MEOX1: variants seen among roughly 807,000 people sequenced by gnomAD.
MEOX1 encodes the protein mesenchyme homeobox 1.
A neutral mutation model predicts 23.2 loss-of-function variants in MEOX1; 17 were observed. The observed-to-expected ratio is 0.73, with a 90% confidence interval of 0.50 to 1.10. MEOX1 has a LOEUF of 1.10. Ranked by LOEUF, MEOX1 falls within the 50% of genes least tolerant of loss-of-function variation. The pLI, the probability that MEOX1 is intolerant of heterozygous loss-of-function variation, is 0.00. For synonymous variants in MEOX1, 134 were observed against 135.1 expected, an observed-to-expected ratio of 0.99 and a Z score of 0.06; for missense variants, 333 against 332.2, an observed-to-expected ratio of 1.00 and a Z score of -0.02.
At chr17:43,649,660 A>G (rs1972879629) in intron 1 of MEOX1, among the ~76,000 whole-genome samples, 1 of 152,078 alleles carries the variant, frequency 6.6e-6, no homozygotes, top group South Asian at 2.1e-4. Flanking sequence ...CACAACAACT[A>G]GATGTGTCAC....
At chr17:43,645,184 T>C (rs1386500768) in intron 1 of MEOX1, among the ~76,000 whole-genome samples, 1 of 144,690 alleles carries the variant, frequency 6.9e-6, no homozygotes, top group Non-Finnish European at 1.5e-5. Flanking sequence ...TTTTTTTTTT[T>C]TTTTTTTTTT....
intron 1 of MEOX1, among the ~76,000 whole-genome samples, chr17:43,645,782 C>A (rs571778946): frequency 5.9e-5 from 9 of 152,310 alleles, no homozygotes; most frequent in Admixed American, 1.3e-4. Flanking sequence ...GAGCTTTGAG[C>A]CTAGCTGGTT....
In MEOX1 at chr17:43,641,233, A is replaced by G. The variant is rs1273516340; in HGVS notation, c.*677T>C. On this transcript the variant is annotated 3_prime_UTR_variant, in exon 3 of 3. Transcript: ENST00000318579. The stretch of plus-strand genomic sequence containing the variant: ...GACGGGCCTATATGGGGACACCGAA[A>G]CCTACATCGGGCTATTTTTCTGTCT... 1.3e-5 allele frequency: 2 copies of G among 152,100 alleles called. No homozygotes were observed. Among genetic ancestry groups the G allele is most frequent in the Non-Finnish European group, 2.9e-5 (2 of 68,038 alleles). 9.4% of individuals were successfully genotyped at this position (152,100 alleles called of 1,614,324 possible). A position where few individuals can be genotyped will look rare whatever the true frequency, so the allele number is the denominator to read the frequency against.
At chr17:43,650,364 T>G (rs1972891932) in intron 1 of MEOX1, among the ~76,000 whole-genome samples, 1 of 152,180 alleles carries the variant, frequency 6.6e-6, no homozygotes, top group Non-Finnish European at 1.5e-5. Flanking sequence ...GGAAGCTCTT[T>G]CCACCCTATT....
intron 1 of MEOX1, among the ~76,000 whole-genome samples, chr17:43,651,709 AG>A (rs1410974553): frequency 1.3e-5 from 2 of 152,184 alleles, no homozygotes; most frequent in Non-Finnish European, 1.5e-5. Context: ...TCAGGCAGAA[AG>A]GATTCTCTGC....
chr17:43,661,227 C>T lies in MEOX1; in HGVS notation c.308G>A (p.Arg103His), dbSNP rs140721400. 1.7e-4 allele frequency: 280 copies of T among 1,608,834 alleles called. No homozygotes were observed. The highest frequency in any genetic ancestry group is 2.3e-4 in the Non-Finnish European group (270 of 1,177,192). Reference protein sequence around the residue: ...NWHFPVSDARRRPNSGPAGGS... With the variant: ...NWHFPVSDARHRPNSGPAGGS... ...CCCTGCCGGGCCTGAGTTGGGCCTG[C>T]GCCGGGCGTCTGAGACAGGGAAGTG... The change falls in exon 1 of 3, where the codon CGC (arginine) becomes CAC (histidine). Residue 103 changes from arginine to histidine, a missense_variant. Coordinates refer to ENST00000318579, the MANE Select transcript of MEOX1 (RefSeq NM_004527.4).
rs572856704 is a variant in MEOX1 at position 43,640,757 on chromosome 17, G to A, written c.*1153C>T. On this transcript the variant is annotated 3_prime_UTR_variant, in exon 3 of 3. Coordinates refer to ENST00000318579, the MANE Select transcript of MEOX1 (RefSeq NM_004527.4). ...CTCCAGAAGACCTGGCTGAGGTCTG[G>A]GCAGTCCACACACAAAAACCTAGCA... 3 of 152,118 alleles carry A rather than the reference G, an allele frequency of 2.0e-5. No individual in the cohort carries two copies. Among genetic ancestry groups the A allele is most frequent in the Admixed American group, 6.5e-5 (1 of 15,268 alleles). 9.4% of individuals were successfully genotyped at this position (152,118 alleles called of 1,614,324 possible). A position where few individuals can be genotyped will look rare whatever the true frequency, so the allele number is the denominator to read the frequency against.
intron 1 of MEOX1, among the ~76,000 whole-genome samples, chr17:43,649,470 C>T (rs1040719353): frequency 6.6e-6 from 1 of 152,022 alleles, no homozygotes; most frequent in African/African-American, 2.4e-5. Flanking sequence ...CCACACTAGG[C>T]TAATTTTTGT....
Position 43,657,055 on chromosome 17 carries a change from TTTCC to T in MEOX1, c.469+4007_469+4010del, listed in dbSNP as rs1277223376. The stretch of plus-strand genomic sequence containing the variant: ...CTTTCTTTCTTTCTTTCTTTCTTTC[TTTCC>T]TTCCTTCCTTCTTTCTTTCTTTTCT... On this transcript the variant is annotated intron_variant, in intron 1 of 2. Transcript: ENST00000318579. 1.4e-3 allele frequency among the ~76,000 whole-genome samples: 196 copies of T among 136,432 alleles called. 1 individual carries two copies. The highest frequency in any genetic ancestry group is 4.8e-3 in the African/African-American group (169 of 35,372). 89.5% of individuals were successfully genotyped at this position (136,432 alleles called of 152,430 possible). A position where few individuals can be genotyped will look rare whatever the true frequency, so the allele number is the denominator to read the frequency against.
intron 1 of MEOX1, among the ~76,000 whole-genome samples, chr17:43,654,126 G>T (rs1972968387): frequency 6.6e-6 from 1 of 152,186 alleles, no homozygotes; most frequent in African/African-American, 2.4e-5. Context: ...GTACCTTAGA[G>T]TGTGTCTGTA....
rs753373038 is a variant in MEOX1, at chr17:43,661,228, G to T, written c.307C>A (p.Arg103Ser). 1.9e-6 allele frequency: 3 copies of T among 1,609,296 alleles called. No homozygotes were observed. In the African/African-American group the frequency reaches 4.0e-5, roughly 22 times the overall value. ...CCTGCCGGGCCTGAGTTGGGCCTGC[G>T]CCGGGCGTCTGAGACAGGGAAGTGC... ...NWHFPVSDAR[R>S]RPNSGPAGGS... Residue 103 changes from arginine (R) to serine (S), a missense_variant, in exon 1 of 3, where the codon CGC (arginine) becomes AGC (serine). Arg to Ser is a moderately radical substitution (Grantham distance 110). Transcript: ENST00000318579.
At chr17:43,642,655 G>A (rs1005385686) in intron 2 of MEOX1, among the ~76,000 whole-genome samples, 2 of 150,238 alleles carry the variant, frequency 1.3e-5, no homozygotes, top group African/African-American at 5.1e-5. Context: ...GCATGGGTGT[G>A]GGGGTGTGGG....
At chr17:43,658,655 T>G (rs1397260960) in intron 1 of MEOX1, among the ~76,000 whole-genome samples, 1 of 152,140 alleles carries the variant, frequency 6.6e-6, no homozygotes, top group Non-Finnish European at 1.5e-5. Flanking sequence ...GGGCTCTCTG[T>G]GGGTTTGCCT....
chr17:43,653,961 G>A (rs1972966098), intron 1 of MEOX1, among the ~76,000 whole-genome samples: 1 of 152,190 alleles, frequency 6.6e-6, no homozygotes, highest in Non-Finnish European at 1.5e-5. Flanking sequence ...GCACACATCT[G>A]GGTGCTGCTT....
intron 1 of MEOX1, among the ~76,000 whole-genome samples, chr17:43,647,497 C>T (rs1234778074): frequency 6.6e-6 from 1 of 152,166 alleles, no homozygotes; most frequent in East Asian, 1.9e-4. Flanking sequence ...CAAGGCTCTC[C>T]ATATCTCCTG....
intron 1 of MEOX1, among the ~76,000 whole-genome samples, chr17:43,647,232 A>T (rs1224478540): frequency 6.6e-6 from 1 of 152,174 alleles, no homozygotes; most frequent in African/African-American, 2.4e-5. Context: ...CTCCCCAGGG[A>T]AACACTTTTT....
At chr17:43,649,825 G>A (rs1003362935) in intron 1 of MEOX1, among the ~76,000 whole-genome samples, 32 of 152,230 alleles carry the variant, frequency 2.1e-4, no homozygotes, top group African/African-American at 7.7e-4. Context: ...CTCACCCTCT[G>A]CTGGAGCAGG....
At chr17:43,644,979 G>T (rs965921183) in intron 1 of MEOX1, among the ~76,000 whole-genome samples, 6 of 152,028 alleles carry the variant, frequency 3.9e-5, no homozygotes, top group African/African-American at 1.5e-4. Context: ...GGGGCTGAAT[G>T]GTTATCTCTT....
intron 1 of MEOX1, among the ~76,000 whole-genome samples, chr17:43,655,070 GA>G (rs1972990599): frequency 6.6e-6 from 1 of 151,450 alleles, no homozygotes; most frequent in Non-Finnish European, 1.5e-5. Flanking sequence ...AAAAGAAAAA[GA>G]AAATACACTC....
Sources: gnomAD v4.1 joint callset for allele counts (sites outside exome capture counted in the v4.1 genomes callset) on GRCh38, gnomAD v4.1.1 for gene constraint, MANE v1.5 for transcripts, NCBI Gene and HGNC (gene_info 2026-07-23, HGNC 2026-07-21) for gene names.